The following DPYSL3 variants were observed in gnomAD, a reference collection of about 807,000 sequenced individuals.
DPYSL3 encodes dihydropyrimidinase like 3, also known as dihydropyrimidinase-related protein 3.
DPYSL3 carries 16 observed loss-of-function variants against 66.1 expected under a neutral mutation model. The observed-to-expected ratio is 0.24, with a 90% confidence interval of 0.16 to 0.37. DPYSL3 has a LOEUF of 0.37. DPYSL3 is among the 10% of genes least tolerant of loss of function. DPYSL3 has a pLI of 1.00. For synonymous variants in DPYSL3, 338 were observed against 345.1 expected (o/e 0.98, Z 0.23); for missense variants, 738 against 916.2 (o/e 0.81, Z 2.51).
At chr5:147,394,481 A>G (rs766956883) in intron 13 of DPYSL3, among the ~76,000 whole-genome samples, 15 of 152,140 alleles carry the variant, frequency 9.9e-5, no homozygotes, top group Non-Finnish European at 1.8e-4. Context: ...GGTTTGAGAG[A>G]GGTGCCCTTA....
intron 1 of DPYSL3, among the ~76,000 whole-genome samples, chr5:147,434,024 G>A (rs1196919645): frequency 9.4e-5 from 10 of 106,534 alleles, no homozygotes; most frequent in African/African-American, 1.9e-4. Context: ...GCAAAACTCC[G>A]TCTCAAAAAA....
chr5:147,400,970 T>C (rs996756723), intron 9 of DPYSL3, 137 bp from the exon 10 acceptor site: 3 of 1,165,080 alleles, frequency 2.6e-6, no homozygotes, highest in African/African-American at 3.1e-5. Context: ...TCTTACTAGA[T>C]ATATGAGCTT....
At chr5:147,399,022 T>A (rs1303298690) in intron 11 of DPYSL3, 60 bp downstream of exon 11, 1 of 1,582,244 alleles carries the variant, frequency 6.3e-7, no homozygotes, top group Non-Finnish European at 8.6e-7. Context: ...ACATTTCTCC[T>A]GACCAAGTTC....
intron 2 of DPYSL3, among the ~76,000 whole-genome samples, chr5:147,423,981 G>C (rs1268161702): frequency 6.6e-6 from 1 of 152,146 alleles, no homozygotes; most frequent in Non-Finnish European, 1.5e-5. Flanking sequence ...GCCTCCCAAA[G>C]TGCTGGGATT....
intron 8 of DPYSL3, chr5:147,401,939 T>TTTTGAGGCAAATTAAAA (rs140330850): frequency 5.1e-6 from 2 of 389,282 alleles, no homozygotes; most frequent in African/African-American, 4.2e-5. Context: ...AATTCTCAAA[T>TTTTGAGGCAAATTAAAA]TTTGAGGCAA....
chr5:147,449,227 A>G (rs778696709), intron 1 of DPYSL3, among the ~76,000 whole-genome samples: 34 of 152,278 alleles, frequency 2.2e-4, no homozygotes, highest in Non-Finnish European at 4.0e-4. Flanking sequence ...ACTCCAGTTC[A>G]TAAGGTCCCT....
intron 1 of DPYSL3, among the ~76,000 whole-genome samples, chr5:147,458,810 G>T (rs559349726): frequency 1.3e-5 from 2 of 152,202 alleles, no homozygotes; most frequent in African/African-American, 4.8e-5. Context: ...AAAACTCAAG[G>T]GAACTGAGGA....
intron 1 of DPYSL3, chr5:147,454,161 G>T (rs1027190887): frequency 1.3e-5 from 2 of 152,204 alleles, no homozygotes; most frequent in African/African-American, 4.8e-5. Flanking sequence ...GCTCCTCGTC[G>T]GATCTCCTAC....
intron 1 of DPYSL3, among the ~76,000 whole-genome samples, chr5:147,458,875 G>C (rs1752892374): frequency 6.6e-6 from 1 of 152,018 alleles, no homozygotes; most frequent in Non-Finnish European, 1.5e-5. Context: ...GTGTATAGGG[G>C]AATAAAGGAC....
intron 1 of DPYSL3, chr5:147,453,817 C>A: frequency 8.6e-7 from 1 of 1,167,002 alleles, no homozygotes. Context: ...CACGCACACC[C>A]TCCTCCACCC....
intron 1 of DPYSL3, among the ~76,000 whole-genome samples, chr5:147,468,975 T>C (rs1207762057): frequency 6.6e-6 from 1 of 152,234 alleles, no homozygotes; most frequent in Non-Finnish European, 1.5e-5. Context: ...CCAATTAAGT[T>C]GCGAATACAA....
intron 3 of DPYSL3, among the ~76,000 whole-genome samples, chr5:147,417,886 G>A (rs78153155): frequency 0.02 from 3,007 of 152,188 alleles, 103 homozygotes; most frequent in African/African-American, 0.069. Context: ...TGCCTCCAGC[G>A]CCAGTTGCTT....
chr5:147,441,286 G>A (rs1232414311), intron 1 of DPYSL3, among the ~76,000 whole-genome samples: 2 of 151,534 alleles, frequency 1.3e-5, no homozygotes, highest in East Asian at 3.9e-4. Context: ...AGATCAGGGT[G>A]TCAGCAGGCT....
intron 1 of DPYSL3, among the ~76,000 whole-genome samples, chr5:147,504,145 A>G (rs1581221836): frequency 6.6e-6 from 1 of 152,186 alleles, no homozygotes; most frequent in African/African-American, 2.4e-5. Flanking sequence ...GATAACGCCC[A>G]GTGGAAATAA....
chr5:147,504,959 T>A (rs1342758602), intron 1 of DPYSL3, among the ~76,000 whole-genome samples: 2 of 152,218 alleles, frequency 1.3e-5, no homozygotes, highest in Non-Finnish European at 2.9e-5. Flanking sequence ...GCTAGGAAAA[T>A]TCAGTGTGCA....
intron 1 of DPYSL3, among the ~76,000 whole-genome samples, chr5:147,461,800 C>T (rs566711631): frequency 6.6e-6 from 1 of 152,262 alleles, no homozygotes; most frequent in African/African-American, 2.4e-5. Flanking sequence ...ACCTAGCAGT[C>T]ATTTTCACAG....
At chr5:147,410,715 C>T (rs1751834846) in intron 6 of DPYSL3, among the ~76,000 whole-genome samples, 1 of 152,130 alleles carries the variant, frequency 6.6e-6, no homozygotes, top group African/African-American at 2.4e-5. Flanking sequence ...CTTGTTTGTA[C>T]CCAAAGGCAA....
At chr5:147,487,732 A>G (rs371649404) in intron 1 of DPYSL3, among the ~76,000 whole-genome samples, 25 of 152,322 alleles carry the variant, frequency 1.6e-4, no homozygotes, top group Middle Eastern at 6.8e-3. Context: ...ATCTTGTTCT[A>G]TACAGAAAAA....
At position 147,509,327 on chromosome 5, in the gene DPYSL3, C is replaced by T. The variant is rs1753725000; in HGVS notation, c.381+151G>A. On this transcript the variant is annotated intron_variant, in intron 1 of 13. Transcript: ENST00000343218. This position sits in a 1 kb window ranked among gnomAD's most constrained non-coding sequence, Gnocchi z 5.3. The stretch of plus-strand genomic sequence containing the variant: ...GAATCCAGGGTCTGGGCTAGGAAGT[C>T]GCGCTACGCTCAGTGGAGGATGACC... 1.8e-6 allele frequency: 2 copies of T among 1,117,994 alleles called. No homozygotes were observed. Among genetic ancestry groups the T allele is most frequent in the Admixed American group, 6.1e-5 (2 of 33,032 alleles). The allele number at this position is 1,117,994 out of a possible 1,614,324, so 69.3% of individuals were successfully genotyped here.
Sources: allele counts gnomAD v4.1 joint callset (sites outside exome capture counted in the v4.1 genomes callset), GRCh38; gene constraint gnomAD v4.1.1; non-coding constraint Gnocchi (gnomAD v3.1); transcripts MANE v1.5; gene names NCBI Gene and HGNC (gene_info 2026-07-23, HGNC 2026-07-21).